The following CNNM2 variants were observed in gnomAD, a reference collection of about 807,000 sequenced individuals.
CNNM2 encodes the protein cyclin and CBS domain divalent metal cation transport mediator 2.
A neutral mutation model predicts 66.9 loss-of-function variants in CNNM2; 12 were observed. The ratio of observed to expected loss-of-function variants is 0.18; its 90% CI spans 0.11 to 0.29. The LOEUF (loss-of-function observed/expected upper bound fraction) is 0.29. CNNM2 is among the 10% of genes least tolerant of loss of function. The probability of loss-of-function intolerance (pLI) is 1.00; values close to 1 mark genes in which losing one functional copy is unlikely to be tolerated. For missense variants in CNNM2, 705 were observed against 1,167.7 expected (o/e 0.60, Z 5.77); for synonymous variants, 557 against 501.8 (o/e 1.11, Z -1.47).
chr10:103,019,886 G>GA (rs947016854), intron 1 of CNNM2, among the ~76,000 whole-genome samples: 1 of 151,982 alleles, frequency 6.6e-6, no homozygotes. Context: ...TAATTATTGT[G>GA]AAAAAAATAT....
At chr10:103,001,837 A>G (rs1410847625) in intron 1 of CNNM2, among the ~76,000 whole-genome samples, 1 of 143,860 alleles carries the variant, frequency 7.0e-6, no homozygotes, top group East Asian at 2.0e-4. Flanking sequence ...AACCCCCTGT[A>G]TACTAAAAAT....
intron 2 of CNNM2, 142 bp downstream of exon 2, chr10:103,049,992 A>G: frequency 1.4e-6 from 1 of 735,814 alleles, no homozygotes; most frequent in Non-Finnish European, 2.2e-6. Flanking sequence ...ACCTGTTGGT[A>G]TATTCCAGTC....
Position 103,082,779 on chromosome 10 carries a change from G to GTC in CNNM2, c.*5602_*5603dup, listed in dbSNP as rs113304525. 15,889 of 152,138 alleles carry GTC rather than the reference G, an allele frequency of 0.1. 846 individuals are homozygous for GTC. Among genetic ancestry groups the GTC allele is most frequent in the Middle Eastern group, 0.18 (52 of 294 alleles). The allele number at this position is 152,138 out of a possible 1,614,324, so 9.4% of individuals were successfully genotyped here. A position where few individuals can be genotyped will look rare whatever the true frequency, so the allele number is the denominator to read the frequency against. ...GTGTTTTGGATGAGGATGGAGGCAGGTCTCCTACCTTGTGGGCAGGGCCTC... is the reference window on the plus strand; with the variant it reads ...GTGTTTTGGATGAGGATGGAGGCAGGTCTCTCCTACCTTGTGGGCAGGGCCTC... On this transcript the variant is annotated 3_prime_UTR_variant, in exon 8 of 8. Coordinates refer to ENST00000369878, the MANE Select transcript of CNNM2 (RefSeq NM_017649.5).
At chr10:103,023,472 T>C (rs1264873553) in intron 1 of CNNM2, among the ~76,000 whole-genome samples, 2 of 152,124 alleles carry the variant, frequency 1.3e-5, no homozygotes, top group Non-Finnish European at 2.9e-5. Context: ...CGCTTGAACC[T>C]GGGAGGCGGA....
At chr10:103,075,585 G>A (rs1470803464) in intron 6 of CNNM2, among the ~76,000 whole-genome samples, 1 of 152,184 alleles carries the variant, frequency 6.6e-6, no homozygotes, top group Non-Finnish European at 1.5e-5. Context: ...AAGATAATAG[G>A]TTCAGCTAGA....
Position 103,089,569 on chromosome 10 carries a change from G to GC in CNNM2, c.*12394dup, listed in dbSNP as rs967100208. ...ACTTTTCAGACGTACCTTTCATGGA[G>GC]CCCCCTCCCTCCCCCGAGTAGAACC... On this transcript the variant is annotated 3_prime_UTR_variant, in exon 8 of 8. Coordinates refer to ENST00000369878, the MANE Select transcript of CNNM2 (RefSeq NM_017649.5). The GC allele has an allele frequency of 7.0e-7, 1 of 1,424,968 alleles. No individual in the cohort carries two copies. Among genetic ancestry groups the GC allele is most frequent in the African/African-American group, 1.4e-5 (1 of 69,466 alleles). 88.3% of individuals were successfully genotyped at this position (1,424,968 alleles called of 1,614,324 possible). A position where few individuals can be genotyped will look rare whatever the true frequency, so the allele number is the denominator to read the frequency against.
intron 1 of CNNM2, among the ~76,000 whole-genome samples, chr10:102,961,416 T>C (rs2063378361): frequency 6.6e-6 from 1 of 152,222 alleles, no homozygotes; most frequent in Non-Finnish European, 1.5e-5. Flanking sequence ...GATTTACTTA[T>C]GCTCAAAAAT....
chr10:102,984,699 A>T (rs770916102), intron 1 of CNNM2, among the ~76,000 whole-genome samples: 3 of 152,074 alleles, frequency 2.0e-5, no homozygotes, highest in Non-Finnish European at 4.4e-5. Context: ...TCACTCTGTC[A>T]CCCAGGCTGG....
At chr10:103,052,298 A>C (rs531960648) in intron 2 of CNNM2, among the ~76,000 whole-genome samples, 3 of 151,824 alleles carry the variant, frequency 2.0e-5, no homozygotes, top group South Asian at 2.1e-4. Context: ...AAACAAAAAA[A>C]AAAAAACCCA....
intron 1 of CNNM2, among the ~76,000 whole-genome samples, chr10:103,037,103 C>G (rs2064955012): frequency 6.6e-6 from 1 of 151,814 alleles, no homozygotes. Context: ...ACAATTGTTT[C>G]AAAATTAAAA....
chr10:103,087,689 T>TTGA lies in CNNM2; in HGVS notation c.*10509_*10510insTGA. On this transcript the variant is annotated 3_prime_UTR_variant, in exon 8 of 8. Coordinates refer to ENST00000369878, the MANE Select transcript of CNNM2 (RefSeq NM_017649.5). ...TATGTTAAACTGGACAACATCTCCA[T>TTGA]CTTGAGTGAGAGTAATTAGTAACTA... 6.6e-6 allele frequency: 1 copy of TTGA among 152,216 alleles called. No homozygotes were observed. The highest frequency in any genetic ancestry group is 1.5e-5 in the Non-Finnish European group (1 of 68,034). 9.4% of individuals were successfully genotyped at this position (152,216 alleles called of 1,614,324 possible). A position where few individuals can be genotyped will look rare whatever the true frequency, so the allele number is the denominator to read the frequency against.
rs1215579521 is a variant in CNNM2, at chr10:103,079,617, A to G, written c.*2437A>G. ...AATACTGTCTTACGTGCTCGGTGTG[A>G]TGGCTTCTTGCAAATTATTCTCTTA... On this transcript the variant is annotated 3_prime_UTR_variant, in exon 8 of 8. Coordinates refer to ENST00000369878, the MANE Select transcript of CNNM2 (RefSeq NM_017649.5). 6.6e-6 allele frequency: 1 copy of G among 152,140 alleles called. No homozygotes were observed. The highest frequency in any genetic ancestry group is 6.5e-5 in the Admixed American group (1 of 15,278). The allele number at this position is 152,140 out of a possible 1,614,324, so 9.4% of individuals were successfully genotyped here. A position where few individuals can be genotyped will look rare whatever the true frequency, so the allele number is the denominator to read the frequency against.
intron 4 of CNNM2, among the ~76,000 whole-genome samples, chr10:103,065,257 C>G (rs1157082168): frequency 6.6e-6 from 1 of 152,182 alleles, no homozygotes; most frequent in Non-Finnish European, 1.5e-5. Flanking sequence ...AGCAATGATT[C>G]CCAAAGTTTG....
At position 102,950,981 on chromosome 10, in the gene CNNM2, CTTT is replaced by C. The variant is rs34870588; in HGVS notation, c.1621+30902_1621+30904del. Among the ~76,000 whole-genome samples the C allele has an allele frequency of 3.4e-3, 273 of 80,496 alleles. 1 individual carries two copies. Among genetic ancestry groups the C allele is most frequent in the African/African-American group, 0.012 (251 of 20,168 alleles). 52.8% of individuals were successfully genotyped at this position (80,496 alleles called of 152,430 possible). On this transcript the variant is annotated intron_variant, in intron 1 of 7. Coordinates refer to ENST00000369878, the MANE Select transcript of CNNM2 (RefSeq NM_017649.5). ...GGGGCAATAGGAATTCTTTCTTTCT[CTTT>C]TTTTTTTTTTTTTTTTTTTTTGAGA...
chr10:103,085,297 C>T lies in CNNM2; in HGVS notation c.*8117C>T, dbSNP rs1479946261. 6.6e-6 allele frequency: 1 copy of T among 152,186 alleles called. No individual in the cohort carries two copies. Among genetic ancestry groups the T allele is most frequent in the Non-Finnish European group, 1.5e-5 (1 of 68,040 alleles). 9.4% of individuals were successfully genotyped at this position (152,186 alleles called of 1,614,324 possible). A position where few individuals can be genotyped will look rare whatever the true frequency, so the allele number is the denominator to read the frequency against. On this transcript the variant is annotated 3_prime_UTR_variant, in exon 8 of 8. Transcript: ENST00000369878. ...TGAGGTCAGTGGGTCCAAAAAGTGA[C>T]TTGTTTAAAGATACCCACACACTCA...
In CNNM2 at chr10:103,041,048, G is replaced by A. The variant is rs540611571; in HGVS notation, c.1622-8659G>A. On this transcript the variant is annotated intron_variant, in intron 1 of 7. Transcript: ENST00000369878. The stretch of plus-strand genomic sequence containing the variant: ...TTAAGGGACCTGCTATCAACAAAGG[G>A]AAGGGGCAGGAAAGGGAGCCCTACC... Among the ~76,000 whole-genome samples the A allele has an allele frequency of 3.9e-5, 6 of 152,302 alleles. No individual in the cohort carries two copies. The South Asian group carries it at 1.0e-3, about 26-fold the overall frequency.
intron 1 of CNNM2, among the ~76,000 whole-genome samples, chr10:102,961,123 C>T (rs2063372781): frequency 6.6e-6 from 1 of 151,966 alleles, no homozygotes; most frequent in African/African-American, 2.4e-5. Flanking sequence ...AGTGATCCAG[C>T]CGCCTCAGCC....
At chr10:102,970,257 A>G (rs1260229068) in intron 1 of CNNM2, among the ~76,000 whole-genome samples, 1 of 152,242 alleles carries the variant, frequency 6.6e-6, no homozygotes. Flanking sequence ...TTGAGGCTGC[A>G]GTAGCCATGA....
rs1366310129 is a variant in CNNM2, at chr10:103,071,719, G to A, written c.2168-55G>A. 4 of 1,357,000 alleles carry A rather than the reference G, an allele frequency of 2.9e-6. No individual in the cohort carries two copies. In the African/African-American group the frequency reaches 5.7e-5, roughly 19 times the overall value. The allele number at this position is 1,357,000 out of a possible 1,614,324, so 84.1% of individuals were successfully genotyped here. ...TCCCCTCCTGTCCCTTGATTACAGA[G>A]ATCTCTGTTCTTGCCTTTTGATGCG... is the stretch of plus-strand genomic sequence containing the variant. On this transcript the variant is annotated intron_variant, in intron 5 of 7. Transcript: ENST00000369878.
Sources: allele counts gnomAD v4.1 joint callset (sites outside exome capture counted in the v4.1 genomes callset), GRCh38; gene constraint gnomAD v4.1.1; transcripts MANE v1.5; gene names NCBI Gene and HGNC (gene_info 2026-07-23, HGNC 2026-07-21).